Variants in ADI1 observed in about 807,000 individuals in gnomAD.
The protein encoded by ADI1 is acireductone dioxygenase 1.
Under a neutral mutation model 18.7 loss-of-function variants are expected in ADI1, and 21 were observed. That is an observed-to-expected ratio of 1.13 (90% CI 0.80 to 1.62). The LOEUF (loss-of-function observed/expected upper bound fraction) is 1.62. Ranked by LOEUF, ADI1 falls within the 40% of genes most tolerant of loss-of-function variation. The pLI is 0.00. For synonymous variants in ADI1, 90 were observed against 100.1 expected, an observed-to-expected ratio of 0.90 and a Z score of 0.60; for missense variants, 245 against 254.9, an observed-to-expected ratio of 0.96 and a Z score of 0.26.
intron 1 of ADI1, chr2:3,517,887 A>G (rs1667443700): frequency 6.6e-6 from 1 of 152,258 alleles, no homozygotes; most frequent in African/African-American, 2.4e-5. Flanking sequence ...AGCCCATGTA[A>G]TAATCTAAAA....
At chr2:3,517,628 GGTGCTGTGCACCTTGTAA>G (rs1243998733) in intron 1 of ADI1, 2 of 152,064 alleles carry the variant, frequency 1.3e-5, no homozygotes, top group East Asian at 3.8e-4. Flanking sequence ...AGCCCGGCAT[GGTGCTGTGCACCTTGTAA>G]TCCCAGCTAC....
chr2:3,511,298 C>T (rs1377377804), intron 2 of ADI1, among the ~76,000 whole-genome samples: 19 of 151,974 alleles, frequency 1.3e-4, no homozygotes. Flanking sequence ...CAGATGTTTC[C>T]TGTACAGCCT....
Position 3,497,485 on chromosome 2 carries a change from T to C in ADI1, c.*1478A>G, listed in dbSNP as rs932526625. Reference sequence around the variant, plus strand: ...TAAGTGCTTTAGCAGAATTCTATTATATGCCTCAGCTCTTACTCTTTCTTC... The same window carrying C: ...TAAGTGCTTTAGCAGAATTCTATTACATGCCTCAGCTCTTACTCTTTCTTC... On this transcript the variant is annotated 3_prime_UTR_variant, in exon 4 of 4. Transcript: ENST00000327435. 8 of 152,344 alleles carry C rather than the reference T, an allele frequency of 5.3e-5. No homozygotes were observed. Among genetic ancestry groups the C allele is most frequent in the African/African-American group, 1.9e-4 (8 of 41,576 alleles). 9.4% of individuals were successfully genotyped at this position (152,344 alleles called of 1,614,324 possible). A position where few individuals can be genotyped will look rare whatever the true frequency, so the allele number is the denominator to read the frequency against.
At chr2:3,516,726 T>A (rs568069889) in intron 1 of ADI1, 155 of 984,694 alleles carry the variant, frequency 1.6e-4, no homozygotes, top group Admixed American at 1.8e-4. Flanking sequence ...AGGTATTTAG[T>A]TTATTCCAAG....
chr2:3,498,965 A>T lies in ADI1; in HGVS notation c.538T>A (p.Ter180LysextTer32), dbSNP rs751335367. ...QYVKFLAQTA[*>K] ...GTGTTAGTTCCCAGGCAGCACTGCT[A>T]GGCGGTCTGTGCCAGAAATTTCACG... Residue 180 changes from the stop codon to lysine (K), a stop_lost, in exon 4 of 4, where the codon TAG becomes AAG. Coordinates refer to ENST00000327435, the MANE Select transcript of ADI1 (RefSeq NM_018269.4). 1 of 1,611,242 alleles carries T rather than the reference A, an allele frequency of 6.2e-7. No individual in the cohort carries two copies. The highest frequency in any genetic ancestry group is 1.1e-5 in the South Asian group (1 of 90,996).
chr2:3,508,354 A>AAAAAC (rs1667220923), intron 2 of ADI1, among the ~76,000 whole-genome samples: 1 of 149,926 alleles, frequency 6.7e-6, no homozygotes, highest in Non-Finnish European at 1.5e-5. Flanking sequence ...AAAAAAAAAA[A>AAAAAC]AAAAAACAAT....
chr2:3,507,946 A>C (rs1366435321), intron 2 of ADI1, among the ~76,000 whole-genome samples: 1 of 151,454 alleles, frequency 6.6e-6, no homozygotes, highest in Non-Finnish European at 1.5e-5. Flanking sequence ...CAACCACTAA[A>C]TTTTTTTTTA....
Position 3,519,369 on chromosome 2 carries a change from T to C in ADI1, c.119A>G (p.Lys40Arg). The change falls in exon 1 of 4, where the codon AAG (lysine) becomes AGG (arginine). Residue 40 changes from lysine (K) to arginine (R), a missense_variant and splice_region_variant. By Grantham distance (26) the Lys-to-Arg change is conservative. Transcript: ENST00000327435. ...QLRRLGVLYWKLDADKYENDP... is the reference protein window; with the variant it reads ...QLRRLGVLYWRLDADKYENDP... ...TCTGCGAGGCTTGGGCTCGCGTACCTTCCAGTAGAGCACCCCGAGCCGCCG... is the reference window on the plus strand; with the variant it reads ...TCTGCGAGGCTTGGGCTCGCGTACCCTCCAGTAGAGCACCCCGAGCCGCCG... 7.0e-7 allele frequency: 1 copy of C among 1,433,418 alleles called. No individual in the cohort carries two copies. Among genetic ancestry groups the C allele is most frequent in the Non-Finnish European group, 9.1e-7 (1 of 1,100,868 alleles). The allele number at this position is 1,433,418 out of a possible 1,614,324, so 88.8% of individuals were successfully genotyped here. A position where few individuals can be genotyped will look rare whatever the true frequency, so the allele number is the denominator to read the frequency against.
intron 3 of ADI1, among the ~76,000 whole-genome samples, chr2:3,499,684 T>C (rs1408280678): frequency 2.0e-5 from 3 of 152,062 alleles, no homozygotes; most frequent in Non-Finnish European, 2.9e-5. Flanking sequence ...CTCACTGAAA[T>C]AAATTAATGG....
intron 2 of ADI1, among the ~76,000 whole-genome samples, chr2:3,505,826 G>A (rs1038989120): frequency 1.3e-5 from 2 of 152,106 alleles, no homozygotes; most frequent in African/African-American, 4.8e-5. Flanking sequence ...ACGTGATGAG[G>A]GTGGAGCCCT....
rs534763136 is a variant in ADI1 at position 3,517,928 on chromosome 2, C to A, written c.120+1440G>T. 1.0e-3 allele frequency among the ~76,000 whole-genome samples: 155 copies of A among 152,196 alleles called. 1 individual carries two copies. The highest frequency in any genetic ancestry group is 3.3e-3 in the African/African-American group (139 of 41,542). Reference sequence around the variant, plus strand: ...CTATTAAAATAAATCTTATTTTATTCTTTGAATACATTAAGAAGCTGACCT... The same window carrying A: ...CTATTAAAATAAATCTTATTTTATTATTTGAATACATTAAGAAGCTGACCT... On this transcript the variant is annotated intron_variant, in intron 1 of 3. Coordinates refer to ENST00000327435, the MANE Select transcript of ADI1 (RefSeq NM_018269.4).
chr2:3,498,039 G>A lies in ADI1; in HGVS notation c.*924C>T, dbSNP rs1405320261. The A allele has an allele frequency of 2.0e-5, 3 of 152,150 alleles. No individual in the cohort carries two copies. The East Asian group carries it at 5.8e-4, about 29-fold the overall frequency. The allele number at this position is 152,150 out of a possible 1,614,324, so 9.4% of individuals were successfully genotyped here. On this transcript the variant is annotated 3_prime_UTR_variant, in exon 4 of 4. Coordinates refer to ENST00000327435, the MANE Select transcript of ADI1 (RefSeq NM_018269.4). Reference sequence around the variant, plus strand: ...ATTTTAATCCTAAAACTGAGACAGAGTTTACTTAAACATTTAAGGCTTGAG... The same window carrying A: ...ATTTTAATCCTAAAACTGAGACAGAATTTACTTAAACATTTAAGGCTTGAG...
chr2:3,503,205 TCA>T lies in ADI1; in HGVS notation c.241-2214_241-2213del, dbSNP rs1222646141. ...CACATGCACACATACATGCATGCAT[TCA>T]CACACATGCACACACGTAACACTCT... is the stretch of plus-strand genomic sequence containing the variant. On this transcript the variant is annotated intron_variant, in intron 2 of 3. Coordinates refer to ENST00000327435, the MANE Select transcript of ADI1 (RefSeq NM_018269.4). Among the ~76,000 whole-genome samples, 26 of 136,434 alleles carry T rather than the reference TCA, an allele frequency of 1.9e-4. 1 individual carries two copies. Among genetic ancestry groups the T allele is most frequent in the African/African-American group, 7.4e-4 (23 of 31,160 alleles). The allele number at this position is 136,434 out of a possible 152,430, so 89.5% of individuals were successfully genotyped here.
At chr2:3,517,160 C>CT (rs1667427056) in intron 1 of ADI1, 1 of 152,796 alleles carries the variant, frequency 6.5e-6, no homozygotes, top group Non-Finnish European at 1.5e-5. Flanking sequence ...AACAGACCAG[C>CT]TTTTCCTGCG....
intron 1 of ADI1, among the ~76,000 whole-genome samples, chr2:3,518,091 G>T (rs1381838039): frequency 6.6e-6 from 1 of 152,130 alleles, no homozygotes; most frequent in Non-Finnish European, 1.5e-5. Flanking sequence ...CTCATTAATG[G>T]AAAACTATAA....
chr2:3,505,584 T>C (rs1667158571), intron 2 of ADI1, among the ~76,000 whole-genome samples: 1 of 152,146 alleles, frequency 6.6e-6, no homozygotes, highest in African/African-American at 2.4e-5. Flanking sequence ...TGAAATCTCT[T>C]CTTATGAAGG....
chr2:3,501,222 C>A (rs1327933583), intron 2 of ADI1, among the ~76,000 whole-genome samples: 5 of 152,230 alleles, frequency 3.3e-5, no homozygotes, highest in African/African-American at 9.7e-5. Context: ...TGAAAGTGAA[C>A]AGACCTGAAG....
Position 3,498,746 on chromosome 2 carries a change from T to G in ADI1, c.*217A>C. On this transcript the variant is annotated 3_prime_UTR_variant, in exon 4 of 4. Coordinates refer to ENST00000327435, the MANE Select transcript of ADI1 (RefSeq NM_018269.4). Reference sequence around the variant, plus strand: ...ACACAGGGCCATGGACCCACCAGTCTTGATTGAGTTACAGAAAATGAAGGT... The same window carrying G: ...ACACAGGGCCATGGACCCACCAGTCGTGATTGAGTTACAGAAAATGAAGGT... 1.5e-6 allele frequency: 1 copy of G among 660,562 alleles called. No individual in the cohort carries two copies. The allele number at this position is 660,562 out of a possible 1,614,324, so 40.9% of individuals were successfully genotyped here.
At chr2:3,514,087 AT>A in intron 1 of ADI1, 111 bp from the exon 2 acceptor site, 2 of 1,347,470 alleles carry the variant, frequency 1.5e-6, no homozygotes, top group Non-Finnish European at 2.0e-6. Context: ...ATCATTTGTT[AT>A]TTTTTCAACC....
Sources: allele counts gnomAD v4.1 joint callset (sites outside exome capture counted in the v4.1 genomes callset), GRCh38; gene constraint gnomAD v4.1.1; transcripts MANE v1.5; gene names NCBI Gene and HGNC (gene_info 2026-07-23, HGNC 2026-07-21).